KCNMA1: variants seen among roughly 807,000 people sequenced by gnomAD.
KCNMA1 encodes Calcium-activated potassium channel subunit alpha-1.
KCNMA1 carries 29 observed loss-of-function variants against 140.0 expected under a neutral mutation model. The observed-to-expected ratio is 0.21, with a 90% CI of 0.15 to 0.28. The LOEUF (loss-of-function observed/expected upper bound fraction) is 0.28, where lower values mean the gene tolerates loss of function less well. Ranked by LOEUF, KCNMA1 falls within the 10% of genes least tolerant of loss-of-function variation. KCNMA1 has a pLI of 1.00. For synonymous variants in KCNMA1, 612 were observed against 611.9 expected (o/e 1.00, Z 0.00); for missense variants, 880 against 1,602.2 (o/e 0.55, Z 7.70).
intron 17 of KCNMA1, chr10:77,012,529 C>T: frequency 6.5e-7 from 1 of 1,550,172 alleles, no homozygotes; most frequent in Non-Finnish European, 8.7e-7. Flanking sequence ...CTTTTCTGGG[C>T]AGCCAAAGGG....
intron 1 of KCNMA1, among the ~76,000 whole-genome samples, chr10:77,617,752 T>C (rs1439586194): frequency 5.9e-5 from 9 of 152,168 alleles, no homozygotes; most frequent in Non-Finnish European, 1.3e-4. Context: ...ATTTAGAGGA[T>C]TGAGATAATG....
At chr10:77,562,246 C>A (rs1184232798) in intron 1 of KCNMA1, among the ~76,000 whole-genome samples, 1 of 152,196 alleles carries the variant, frequency 6.6e-6, no homozygotes. Flanking sequence ...CTCAGCTGCT[C>A]AAAGTTCCAC....
At position 77,378,655 on chromosome 10, in the gene KCNMA1, G is replaced by A. The variant is rs77082023; in HGVS notation, c.540+25207C>T. Reference sequence around the variant, plus strand: ...ATCCTCAGCTTCCTCATTGTAAAGAGAGCTCTTAGCTCCAGGTCTCATTAC... The same window carrying A: ...ATCCTCAGCTTCCTCATTGTAAAGAAAGCTCTTAGCTCCAGGTCTCATTAC... On this transcript the variant is annotated intron_variant, in intron 2 of 27. Coordinates refer to ENST00000286628, the MANE Select transcript of KCNMA1 (RefSeq NM_001161352.2). Among the ~76,000 whole-genome samples, 689 of 152,312 alleles carry A rather than the reference G, an allele frequency of 4.5e-3. 6 individuals carry two copies. The highest frequency in any genetic ancestry group is 0.016 in the African/African-American group (651 of 41,558).
intron 18 of KCNMA1, among the ~76,000 whole-genome samples, chr10:77,003,801 G>A (rs894849115): frequency 2.0e-5 from 3 of 152,292 alleles, no homozygotes; most frequent in African/African-American, 7.2e-5. Flanking sequence ...CGTCTTTAAG[G>A]ATAAGGGGAG....
chr10:77,511,710 A>T (rs1483365913), intron 1 of KCNMA1, among the ~76,000 whole-genome samples: 2 of 152,242 alleles, frequency 1.3e-5, no homozygotes, highest in Non-Finnish European at 2.9e-5. Flanking sequence ...TCTGGTAAAT[A>T]GCTCATCTGC....
intron 5 of KCNMA1, among the ~76,000 whole-genome samples, chr10:77,122,054 A>G (rs905109211): frequency 2.0e-5 from 3 of 152,198 alleles, no homozygotes; most frequent in African/African-American, 7.2e-5. Context: ...GTTGACAGAC[A>G]ACTCCACGCC....
chr10:77,584,886 C>A (rs891426465), intron 1 of KCNMA1, among the ~76,000 whole-genome samples: 4 of 152,310 alleles, frequency 2.6e-5, no homozygotes, highest in African/African-American at 9.6e-5. Flanking sequence ...GCACGCTGTT[C>A]CAGCATCACC....
intron 1 of KCNMA1, among the ~76,000 whole-genome samples, chr10:77,419,050 G>A (rs531834512): frequency 1.3e-5 from 2 of 152,096 alleles, no homozygotes; most frequent in African/African-American, 4.8e-5. Flanking sequence ...TGTTAGTGCC[G>A]CCACACTCTC....
chr10:76,895,251 G>C (rs1324758015), intron 25 of KCNMA1, among the ~76,000 whole-genome samples: 1 of 152,110 alleles, frequency 6.6e-6, no homozygotes, highest in Non-Finnish European at 1.5e-5. Context: ...TGGGATACTC[G>C]GCTCTTGAGA....
intron 2 of KCNMA1, among the ~76,000 whole-genome samples, chr10:77,395,727 C>T (rs1290248915): frequency 6.6e-6 from 1 of 152,178 alleles, no homozygotes; most frequent in Admixed American, 6.5e-5. Flanking sequence ...TAATTAAAGC[C>T]ATGAGGATAA....
chr10:77,119,232 A>T (rs972365974), intron 6 of KCNMA1, among the ~76,000 whole-genome samples: 1 of 152,242 alleles, frequency 6.6e-6, no homozygotes, highest in Non-Finnish European at 1.5e-5. Flanking sequence ...GTCCTAGCAG[A>T]AAGTCAGAAA....
intron 5 of KCNMA1, among the ~76,000 whole-genome samples, chr10:77,171,410 T>TGTGTGC (rs1554925213): frequency 1.1e-5 from 1 of 87,332 alleles, no homozygotes; most frequent in Non-Finnish European, 2.5e-5. Context: ...CGTGTGTGTG[T>TGTGTGC]GTGTGTGTGT....
chr10:77,110,999 G>A (rs544138455), intron 7 of KCNMA1, among the ~76,000 whole-genome samples: 3 of 152,196 alleles, frequency 2.0e-5, no homozygotes, highest in South Asian at 4.1e-4. Context: ...GGCACAGCCC[G>A]TTAGATCAAG....
At chr10:77,299,426 G>T (rs1199404317) in intron 2 of KCNMA1, among the ~76,000 whole-genome samples, 1 of 152,186 alleles carries the variant, frequency 6.6e-6, no homozygotes, top group East Asian at 1.9e-4. Flanking sequence ...CCAGCATCTG[G>T]ATTTCCCATC....
At chr10:76,969,168 T>C (rs879563122) in intron 20 of KCNMA1, among the ~76,000 whole-genome samples, 9 of 149,688 alleles carry the variant, frequency 6.0e-5, no homozygotes, top group Non-Finnish European at 1.3e-4. Context: ...AAGAAGAAAC[T>C]GCAGAACGCT....
intron 5 of KCNMA1, among the ~76,000 whole-genome samples, chr10:77,144,974 C>T (rs2098260653): frequency 6.6e-6 from 1 of 152,216 alleles, no homozygotes; most frequent in Non-Finnish European, 1.5e-5. Flanking sequence ...AAGCTCTGCA[C>T]AGGGTCTGAC....
intron 2 of KCNMA1, among the ~76,000 whole-genome samples, chr10:77,284,024 T>G (rs531799702): frequency 6.6e-6 from 1 of 152,158 alleles, no homozygotes; most frequent in Non-Finnish European, 1.5e-5. Context: ...GAGAACAGCA[T>G]GTGCAAACAG....
chr10:77,184,801 G>C, intron 4 of KCNMA1, 22 bp downstream of exon 4: 2 of 1,460,294 alleles, frequency 1.4e-6, no homozygotes, highest in Non-Finnish European at 1.9e-6. Flanking sequence ...TTGTGATACT[G>C]AACAATGTTG....
At chr10:77,463,310 C>A (rs1219330131) in intron 1 of KCNMA1, among the ~76,000 whole-genome samples, 1 of 152,178 alleles carries the variant, frequency 6.6e-6, no homozygotes, top group Non-Finnish European at 1.5e-5. Context: ...TTCTTGGCAC[C>A]ATCACACTGT....
Sources: allele counts gnomAD v4.1 joint callset (sites outside exome capture counted in the v4.1 genomes callset), GRCh38; gene constraint gnomAD v4.1.1; transcripts MANE v1.5; gene names NCBI Gene and HGNC (gene_info 2026-07-23, HGNC 2026-07-21).